Variants in HERC4 observed in about 807,000 individuals in gnomAD.
HERC4 encodes probable E3 ubiquitin-protein ligase HERC4.
A neutral mutation model predicts 124.3 loss-of-function variants in HERC4; 28 were observed. The observed-to-expected ratio is 0.23, with a 90% CI of 0.17 to 0.31. The LOEUF is 0.31. HERC4 is among the 10% of genes least tolerant of loss of function. The pLI is 1.00. For synonymous variants in HERC4, 407 were observed against 421.5 expected, an observed-to-expected ratio of 0.97 and a Z score of 0.42; for missense variants, 713 against 1,229.3, an observed-to-expected ratio of 0.58 and a Z score of 6.28.
chr10:68,039,270 C>G, intron 4 of HERC4: 1 of 1,046,382 alleles, frequency 9.6e-7, no homozygotes, highest in Non-Finnish European at 1.3e-6. Context: ...GAGCCAAGAT[C>G]ACACCATCGC....
chr10:68,050,950 A>C (rs1193090564), intron 3 of HERC4, among the ~76,000 whole-genome samples: 2 of 152,204 alleles, frequency 1.3e-5, no homozygotes, highest in African/African-American at 2.4e-5. Context: ...ACTCATGCCA[A>C]ATCTAACAGC....
rs375809644 is a variant in HERC4 at position 67,931,170 on chromosome 10, CG to C, written c.2838+1426del. Among the ~76,000 whole-genome samples the C allele has an allele frequency of 5.2e-3, 781 of 151,650 alleles. 4 individuals are homozygous for C. The highest frequency in any genetic ancestry group is 0.017 in the African/African-American group (722 of 41,290). Reference sequence around the variant, plus strand: ...CAAATTTTTGTATATTTAGTAGAGACGGGGTTTCACTATGTTGGTTGGCCAG... The same window carrying C: ...CAAATTTTTGTATATTTAGTAGAGACGGGTTTCACTATGTTGGTTGGCCAG... On this transcript the variant is annotated intron_variant, in intron 23 of 24. Transcript: ENST00000373700.
chr10:68,036,843 A>G (rs1358864305), intron 5 of HERC4, among the ~76,000 whole-genome samples: 2 of 152,162 alleles, frequency 1.3e-5, no homozygotes, highest in East Asian at 1.9e-4. Context: ...AATTATATCA[A>G]TTAGAAACAA....
chr10:67,951,115 C>T (rs1161993697), intron 19 of HERC4, among the ~76,000 whole-genome samples: 1 of 152,182 alleles, frequency 6.6e-6, no homozygotes, highest in Non-Finnish European at 1.5e-5. Context: ...CAAAGAGATT[C>T]ATGATAAAGC....
intron 15 of HERC4, among the ~76,000 whole-genome samples, chr10:67,986,933 T>C (rs2036295359): frequency 6.6e-6 from 1 of 152,120 alleles, no homozygotes; most frequent in African/African-American, 2.4e-5. Flanking sequence ...TATACTACTA[T>C]ATCTGCTGAT....
intron 24 of HERC4, among the ~76,000 whole-genome samples, chr10:67,924,079 CAG>C (rs2030570679): frequency 1.3e-5 from 2 of 152,128 alleles, no homozygotes; most frequent in South Asian, 2.1e-4. Context: ...GAAGACCAAA[CAG>C]AGAAAAGAGC....
chr10:68,070,444 T>A, intron 3 of HERC4: 1 of 190,080 alleles, frequency 5.3e-6, no homozygotes, highest in Non-Finnish European at 1.0e-5. Flanking sequence ...CCATCTCCAT[T>A]AAAATATGAA....
At chr10:68,056,613 A>T (rs1168163085) in intron 3 of HERC4, among the ~76,000 whole-genome samples, 3 of 152,180 alleles carry the variant, frequency 2.0e-5, no homozygotes, top group Non-Finnish European at 4.4e-5. Flanking sequence ...AGCTGGGCAA[A>T]TTTCAAGACA....
chr10:67,936,685 T>C (rs1184426127), intron 21 of HERC4, among the ~76,000 whole-genome samples: 2 of 152,216 alleles, frequency 1.3e-5, no homozygotes, highest in Non-Finnish European at 2.9e-5. Context: ...TCCAGTTATG[T>C]ACTAATTTGG....
intron 3 of HERC4, among the ~76,000 whole-genome samples, chr10:68,051,384 G>A (rs577057160): frequency 1.2e-4 from 17 of 137,052 alleles, no homozygotes; most frequent in African/African-American, 4.7e-4. Flanking sequence ...TCGCTCTGTC[G>A]CCCAGGCTGG....
intron 3 of HERC4, among the ~76,000 whole-genome samples, chr10:68,062,577 C>A (rs1309785896): frequency 6.6e-6 from 1 of 151,776 alleles, no homozygotes; most frequent in African/African-American, 2.4e-5. Flanking sequence ...CACAGTGAAA[C>A]CCTGTCTCTA....
At chr10:67,974,974 A>G (rs1328484641) in intron 15 of HERC4, among the ~76,000 whole-genome samples, 2 of 152,150 alleles carry the variant, frequency 1.3e-5, no homozygotes, top group Non-Finnish European at 2.9e-5. Context: ...TTGGATCATG[A>G]GGTCAGGAGT....
At chr10:68,039,650 T>C in intron 4 of HERC4, 2 of 1,356,224 alleles carry the variant, frequency 1.5e-6, no homozygotes, top group South Asian at 4.0e-5. Context: ...CAGGATCCAA[T>C]GCACCTTCAA....
chr10:67,987,224 ACTTG>A (rs950482367), intron 15 of HERC4, among the ~76,000 whole-genome samples: 2 of 152,192 alleles, frequency 1.3e-5, no homozygotes, highest in Non-Finnish European at 2.9e-5. Flanking sequence ...AATTTAACTT[ACTTG>A]CTTAAGTTCT....
At chr10:67,968,541 T>A (rs1471749261) in intron 15 of HERC4, among the ~76,000 whole-genome samples, 1 of 151,124 alleles carries the variant, frequency 6.6e-6, no homozygotes, top group Non-Finnish European at 1.5e-5. Flanking sequence ...TCTGGCTAAT[T>A]TTTTTTTGTA....
At chr10:68,069,988 G>A in intron 3 of HERC4, 1 of 676,892 alleles carries the variant, frequency 1.5e-6, no homozygotes, top group Non-Finnish European at 1.8e-6. Context: ...GTTGCAGTGA[G>A]CAGAGATCGT....
intron 8 of HERC4, among the ~76,000 whole-genome samples, chr10:68,021,781 C>T (rs1036059329): frequency 6.6e-6 from 1 of 152,052 alleles, no homozygotes; most frequent in African/African-American, 2.4e-5. Flanking sequence ...GCACTCCAGC[C>T]TGGGCAACAA....
At chr10:68,037,555 G>T (rs2039542693) in intron 5 of HERC4, among the ~76,000 whole-genome samples, 1 of 152,128 alleles carries the variant, frequency 6.6e-6, no homozygotes, top group Non-Finnish European at 1.5e-5. Flanking sequence ...TCTATGCATA[G>T]AAAGTTCATC....
At chr10:68,013,560 T>C (rs888280222) in intron 9 of HERC4, among the ~76,000 whole-genome samples, 3 of 152,210 alleles carry the variant, frequency 2.0e-5, no homozygotes, top group African/African-American at 7.2e-5. Context: ...TAAAGTAGAA[T>C]AGCAGTTGCC....
Sources: allele counts gnomAD v4.1 joint callset (sites outside exome capture counted in the v4.1 genomes callset), GRCh38; gene constraint gnomAD v4.1.1; transcripts MANE v1.5; gene names NCBI Gene and HGNC (gene_info 2026-07-23, HGNC 2026-07-21).